BAHD1: variants seen among roughly 807,000 people sequenced by gnomAD.
BAHD1 encodes bromo adjacent homology domain containing 1, also known as bromo adjacent homology domain-containing 1 protein.
In BAHD1, 20 loss-of-function variants were observed where a neutral mutation model predicts 63.1. The ratio of observed to expected loss-of-function variants is 0.32; its 90% CI spans 0.22 to 0.46. BAHD1 has a LOEUF of 0.46. Among genes scored for constraint, BAHD1 ranks in the 20% least tolerant of loss-of-function variants. The pLI is 1.00. For synonymous variants in BAHD1, 408 were observed against 426.8 expected (o/e 0.96, Z 0.54); for missense variants, 939 against 1,071.8 (o/e 0.88, Z 1.73).
chr15:40,458,739 T>C lies in BAHD1; in HGVS notation c.275T>C (p.Leu92Pro). Residue 92 changes from leucine (L) to proline (P), a missense_variant, in exon 2 of 7, where the codon CTA (leucine) becomes CCA (proline). Physicochemically the swap from Leu to Pro is moderately conservative, Grantham distance 98. This residue lies in a region of BAHD1 where 797 missense variants were observed against 813.3 expected (regional missense o/e 0.98). Transcript: ENST00000416165. The surrounding 1 kb of genome is among the most constrained non-coding windows in gnomAD (Gnocchi z 4.7). ...GPRSADEADE[L>P]PPDLPKPPSP... The stretch of plus-strand genomic sequence containing the variant: ...CGGAGTGCAGATGAGGCTGATGAGC[T>C]ACCGCCTGACCTGCCCAAGCCCCCC... The C allele has an allele frequency of 6.2e-7, 1 of 1,613,398 alleles. No homozygotes were observed. Among genetic ancestry groups the C allele is most frequent in the South Asian group, 1.1e-5 (1 of 91,080 alleles).
intron 1 of BAHD1, 66 bp downstream of exon 1, chr15:40,441,334 G>C (rs1042789404): frequency 3.3e-5 from 5 of 150,618 alleles, no homozygotes; most frequent in African/African-American, 1.2e-4. Context: ...GAGCGAGGTA[G>C]GCAGAAGAGC....
chr15:40,456,879 C>T (rs562385480), intron 1 of BAHD1, among the ~76,000 whole-genome samples: 1 of 152,182 alleles, frequency 6.6e-6, no homozygotes, highest in East Asian at 1.9e-4. Flanking sequence ...CTTGCCAGCC[C>T]CTGTGCTTTG....
At chr15:40,449,536 A>C (rs369446444) in intron 1 of BAHD1, among the ~76,000 whole-genome samples, 1 of 152,186 alleles carries the variant, frequency 6.6e-6, no homozygotes, top group Non-Finnish European at 1.5e-5. Context: ...ATGGTGACTC[A>C]TGCCTGTAAT....
chr15:40,437,776 G>C (rs896798), upstream of BAHD1, among the ~76,000 whole-genome samples: 7 of 152,072 alleles, frequency 4.6e-5, no homozygotes, highest in Non-Finnish European at 1.0e-4. Context: ...CAGGCCAGGC[G>C]GTCTTCGGGG....
At chr15:40,437,548 C>T (rs1893297889), upstream of BAHD1, among the ~76,000 whole-genome samples, 2 of 152,226 alleles carry the variant, frequency 1.3e-5, 1 homozygote, top group South Asian at 4.1e-4. Flanking sequence ...CTGTGCCCTT[C>T]AGTTCGTCCA....
intron 5 of BAHD1, chr15:40,464,877 TG>T (rs1306293163): frequency 7.3e-5 from 30 of 411,710 alleles, no homozygotes; most frequent in Admixed American, 2.3e-4. Flanking sequence ...TGGTCACTTT[TG>T]GTATTTTCTG....
In BAHD1 at chr15:40,464,179, G is replaced by C. The variant is rs370186242; in HGVS notation, c.1975+159G>C. ...TCGGCTGGGGTCTCTCTGCTGCCGA[G>C]GGCTGTGGGTGACCTTGTGGCTTGG... is the stretch of plus-strand genomic sequence containing the variant. On this transcript the variant is annotated intron_variant, in intron 4 of 6. Coordinates refer to ENST00000416165, the MANE Select transcript of BAHD1 (RefSeq NM_014952.5). 1.2e-4 allele frequency: 109 copies of C among 893,244 alleles called. 1 individual carries two copies. The South Asian group carries it at 1.9e-3, about 15-fold the overall frequency. The allele number at this position is 893,244 out of a possible 1,614,324, so 55.3% of individuals were successfully genotyped here.
intron 1 of BAHD1, chr15:40,454,222 C>T (rs1400167202): frequency 2.6e-5 from 4 of 152,228 alleles, no homozygotes; most frequent in Admixed American, 6.5e-5. Context: ...GCCAGCACCC[C>T]GTGCTCCCCT....
chr15:40,446,302 C>T (rs534881289), intron 1 of BAHD1, among the ~76,000 whole-genome samples: 1 of 152,372 alleles, frequency 6.6e-6, no homozygotes, highest in South Asian at 2.1e-4. Flanking sequence ...CAGGGCCAGA[C>T]GGCCTGACAA....
At chr15:40,446,576 G>C (rs893681433) in intron 1 of BAHD1, among the ~76,000 whole-genome samples, 2 of 152,020 alleles carry the variant, frequency 1.3e-5, no homozygotes, top group Non-Finnish European at 2.9e-5. Context: ...CAATCCACCA[G>C]GAGAAAAAAA....
In BAHD1 at chr15:40,447,986, A is replaced by G. The variant is rs551794719; in HGVS notation, c.-15+6718A>G. Among the ~76,000 whole-genome samples the G allele has an allele frequency of 1.0e-3, 156 of 152,314 alleles. 1 individual carries two copies. The South Asian group carries it at 0.032, about 31-fold the overall frequency. ...TTGTTTCGGCCAGGTGCGGTGGCTC[A>G]CGCCTATAATCCCAGCACTTTGGGA... On this transcript the variant is annotated intron_variant, in intron 1 of 6. Coordinates refer to ENST00000416165, the MANE Select transcript of BAHD1 (RefSeq NM_014952.5).
rs184140973 is a variant in BAHD1, at chr15:40,467,398, G to A, written c.*1268G>A. The stretch of plus-strand genomic sequence containing the variant: ...ATGGTGGGAGAGGGAGTGGAGTGCA[G>A]TGTGGCTTGGGCCTGGTGCTGGGAA... On this transcript the variant is annotated 3_prime_UTR_variant, in exon 7 of 7. Coordinates refer to ENST00000416165, the MANE Select transcript of BAHD1 (RefSeq NM_014952.5). The A allele has an allele frequency of 3.3e-5, 5 of 153,452 alleles. No homozygotes were observed. The East Asian group carries it at 9.6e-4, about 30-fold the overall frequency. The allele number at this position is 153,452 out of a possible 1,614,324, so 9.5% of individuals were successfully genotyped here. A position where few individuals can be genotyped will look rare whatever the true frequency, so the allele number is the denominator to read the frequency against.
chr15:40,447,511 TCGCGCCA>T (rs1893571094), intron 1 of BAHD1, among the ~76,000 whole-genome samples: 1 of 151,224 alleles, frequency 6.6e-6, no homozygotes, highest in Non-Finnish European at 1.5e-5. Flanking sequence ...AGGTTGCAGA[TCGCGCCA>T]GTGCACTCCA....
rs1893950243 is a variant in BAHD1 at position 40,459,220 on chromosome 15, C to T, written c.756C>T (p.Val252=). The change falls in exon 2 of 7, where the codon GTC becomes GTT. Residue 252 remains valine (V), a synonymous_variant. Coordinates refer to ENST00000416165, the MANE Select transcript of BAHD1 (RefSeq NM_014952.5). ...CCCCGAGGCCAAAGTGGCCCAAGGTCAATGGCAAGAACTATCCCAAGGCTT... is the reference window on the plus strand; with the variant it reads ...CCCCGAGGCCAAAGTGGCCCAAGGTTAATGGCAAGAACTATCCCAAGGCTT... ...PKAPRPKWPK[V]NGKNYPKAWQ... is the part of the protein sequence containing the mutation. The T allele has an allele frequency of 6.2e-7, 1 of 1,611,686 alleles. No homozygotes were observed.
chr15:40,447,113 G>A (rs967100745), intron 1 of BAHD1, among the ~76,000 whole-genome samples: 4 of 152,162 alleles, frequency 2.6e-5, no homozygotes, highest in African/African-American at 7.2e-5. Flanking sequence ...TTAGGGTGCC[G>A]CTTGATGCCA....
chr15:40,438,741 G>A (rs1467181610), upstream of BAHD1, among the ~76,000 whole-genome samples: 3 of 152,102 alleles, frequency 2.0e-5, no homozygotes, highest in Non-Finnish European at 2.9e-5. Flanking sequence ...CCATTTCCTC[G>A]GCTGAACGTG....
At chr15:40,463,300 G>C (rs879550796) in intron 3 of BAHD1, among the ~76,000 whole-genome samples, 4 of 152,204 alleles carry the variant, frequency 2.6e-5, no homozygotes, top group Admixed American at 6.5e-5. Flanking sequence ...GTGAGACCCT[G>C]TCTCTAAAAA....
At chr15:40,450,520 T>G (rs547792159) in intron 1 of BAHD1, among the ~76,000 whole-genome samples, 1 of 152,366 alleles carries the variant, frequency 6.6e-6, no homozygotes, top group Admixed American at 6.5e-5. Context: ...GAGCTGTTCA[T>G]GTTTTTTGAA....
chr15:40,457,905 C>G (rs774880180), intron 1 of BAHD1, among the ~76,000 whole-genome samples: 1 of 152,016 alleles, frequency 6.6e-6, no homozygotes, highest in African/African-American at 2.4e-5. Context: ...CCCAGCTACC[C>G]GAGAGGCTGA....
Sources: allele counts gnomAD v4.1 joint callset (sites outside exome capture counted in the v4.1 genomes callset), GRCh38; gene constraint gnomAD v4.1.1; regional missense constraint gnomAD v4.1.1; non-coding constraint Gnocchi (gnomAD v3.1); transcripts MANE v1.5; gene names NCBI Gene and HGNC (gene_info 2026-07-23, HGNC 2026-07-21).